Variants in HTR1F observed in about 807,000 individuals in gnomAD.
HTR1F encodes the protein 5-hydroxytryptamine (serotonin) receptor 1F, G protein-coupled.
A neutral mutation model predicts 24.0 loss-of-function variants in HTR1F; 17 were observed. That is an observed-to-expected ratio of 0.71 (90% confidence interval 0.48 to 1.06). The LOEUF is 1.06. HTR1F is among the 50% of genes least tolerant of loss of function. The pLI, the probability that HTR1F is intolerant of heterozygous loss-of-function variation, is 0.00. For missense variants in HTR1F, 391 were observed against 427.8 expected, an observed-to-expected ratio of 0.91 and a Z score of 0.76; for synonymous variants, 186 against 156.8, an observed-to-expected ratio of 1.19 and a Z score of -1.39.
intron 1 of HTR1F, among the ~76,000 whole-genome samples, chr3:87,793,893 A>C (rs1217543838): frequency 3.3e-5 from 5 of 151,910 alleles, no homozygotes; most frequent in African/African-American, 1.2e-4. Context: ...AGCAGGTGGC[A>C]TTAACCTCTC....
chr3:87,894,559 C>CTTTTTTTTT (rs35190252), intron 2 of HTR1F, among the ~76,000 whole-genome samples: 3 of 74,662 alleles, frequency 4.0e-5, no homozygotes, highest in Admixed American at 1.8e-4. Context: ...TGCCCAGCCT[C>CTTTTTTTTT]TTTTTTTTTT....
intron 2 of HTR1F, among the ~76,000 whole-genome samples, chr3:87,963,605 C>A (rs1705107323): frequency 6.6e-6 from 1 of 152,138 alleles, no homozygotes; most frequent in Admixed American, 6.6e-5. Context: ...TTTGACATTT[C>A]TGTGGGCCTC....
chr3:87,836,501 A>T (rs1481762072), intron 2 of HTR1F, among the ~76,000 whole-genome samples: 1 of 152,204 alleles, frequency 6.6e-6, no homozygotes, highest in African/African-American at 2.4e-5. Flanking sequence ...TGTTATGAAT[A>T]ATAGAGTCAT....
intron 2 of HTR1F, among the ~76,000 whole-genome samples, chr3:87,973,191 AATCCCTATC>A (rs1174452518): frequency 6.6e-6 from 1 of 151,946 alleles, no homozygotes; most frequent in Non-Finnish European, 1.5e-5. Flanking sequence ...AAGTAATAAT[AATCCCTATC>A]ATGGACTCTA....
intron 2 of HTR1F, among the ~76,000 whole-genome samples, chr3:87,874,837 T>C (rs918941209): frequency 6.6e-6 from 1 of 152,062 alleles, no homozygotes; most frequent in African/African-American, 2.4e-5. Flanking sequence ...CCCAGAAGTA[T>C]ATGGTTAAAT....
intron 2 of HTR1F, among the ~76,000 whole-genome samples, chr3:87,829,373 G>A (rs1314816086): frequency 6.6e-6 from 1 of 152,146 alleles, no homozygotes; most frequent in African/African-American, 2.4e-5. Context: ...ATCCAGTATT[G>A]AGACTGTCAA....
At chr3:87,843,363 A>C (rs928537465) in intron 2 of HTR1F, among the ~76,000 whole-genome samples, 2 of 151,858 alleles carry the variant, frequency 1.3e-5, no homozygotes, top group Non-Finnish European at 2.9e-5. Flanking sequence ...AAATGTGAGC[A>C]GTGTTCTTCC....
intron 2 of HTR1F, among the ~76,000 whole-genome samples, chr3:87,830,666 A>G (rs1704555753): frequency 6.6e-6 from 1 of 152,186 alleles, no homozygotes; most frequent in South Asian, 2.1e-4. Flanking sequence ...ATTTAGCAAC[A>G]TCTCACTGAA....
intron 1 of HTR1F, among the ~76,000 whole-genome samples, chr3:87,805,867 C>G (rs544445995): frequency 2.6e-5 from 4 of 152,222 alleles, no homozygotes; most frequent in Non-Finnish European, 4.4e-5. Flanking sequence ...ACTCTGCTAT[C>G]AAACATTAGA....
At chr3:87,872,852 C>T (rs749124292) in intron 2 of HTR1F, among the ~76,000 whole-genome samples, 8 of 151,944 alleles carry the variant, frequency 5.3e-5, no homozygotes, top group Admixed American at 1.3e-4. Flanking sequence ...AGGACAACTC[C>T]GCCAAACTTT....
chr3:87,968,207 C>A (rs1227378817), intron 2 of HTR1F, among the ~76,000 whole-genome samples: 1 of 151,912 alleles, frequency 6.6e-6, no homozygotes, highest in Non-Finnish European at 1.5e-5. Context: ...GGGCATCTAG[C>A]AGAAGAAATT....
At chr3:87,906,349 A>C (rs1703667120) in intron 2 of HTR1F, among the ~76,000 whole-genome samples, 1 of 152,080 alleles carries the variant, frequency 6.6e-6, no homozygotes, top group Non-Finnish European at 1.5e-5. Flanking sequence ...ATGACTGAAC[A>C]AGTCATTATA....
chr3:87,869,715 C>T (rs766961253), intron 2 of HTR1F, among the ~76,000 whole-genome samples: 8 of 151,998 alleles, frequency 5.3e-5, no homozygotes, highest in Admixed American at 2.0e-4. Flanking sequence ...AGAAGCCTTT[C>T]GGTCCTATTT....
At chr3:87,982,085 G>A (rs1705556599) in intron 2 of HTR1F, among the ~76,000 whole-genome samples, 1 of 152,006 alleles carries the variant, frequency 6.6e-6, no homozygotes, top group African/African-American at 2.4e-5. Context: ...ACCACACCTG[G>A]CTAATTTTTG....
chr3:87,792,900 G>T (rs929438446), intron 1 of HTR1F, among the ~76,000 whole-genome samples, 58 bp downstream of exon 1: 1 of 152,228 alleles, frequency 6.6e-6, no homozygotes, highest in East Asian at 1.9e-4. Context: ...CAGCTGGCGC[G>T]CAGGTGGGGA....
intron 2 of HTR1F, among the ~76,000 whole-genome samples, chr3:87,932,815 T>C (rs956506396): frequency 6.6e-6 from 1 of 151,718 alleles, no homozygotes; most frequent in Admixed American, 6.6e-5. Flanking sequence ...GCTATTCCAA[T>C]CAATAGAAAA....
At chr3:87,887,522 A>C (rs1177412205) in intron 2 of HTR1F, among the ~76,000 whole-genome samples, 2 of 152,220 alleles carry the variant, frequency 1.3e-5, no homozygotes, top group Non-Finnish European at 2.9e-5. Flanking sequence ...AGAAACTACC[A>C]TCAGAGTGAA....
chr3:87,795,511 C>A (rs1324559746), intron 1 of HTR1F, among the ~76,000 whole-genome samples: 1 of 151,916 alleles, frequency 6.6e-6, no homozygotes, highest in African/African-American at 2.4e-5. Flanking sequence ...GAAAGGTGGA[C>A]GGGATGCTGT....
intron 2 of HTR1F, among the ~76,000 whole-genome samples, chr3:87,842,150 T>C (rs1704822112): frequency 6.6e-6 from 1 of 151,666 alleles, no homozygotes; most frequent in Non-Finnish European, 1.5e-5. Flanking sequence ...CTCAAAACAA[T>C]AGGCTTTTTT....
Sources: gnomAD v4.1 joint callset for allele counts (sites outside exome capture counted in the v4.1 genomes callset) on GRCh38, gnomAD v4.1.1 for gene constraint, MANE v1.5 for transcripts, NCBI Gene and HGNC (gene_info 2026-07-23, HGNC 2026-07-21) for gene names.